Variants in NET1 observed in about 807,000 individuals in gnomAD.
NET1 encodes the protein neuroepithelial cell-transforming gene 1 protein.
In NET1, 42 loss-of-function variants were observed where a neutral mutation model predicts 61.1. That is an observed-to-expected ratio of 0.69 (90% CI 0.54 to 0.89). NET1 has a LOEUF of 0.89. Among genes scored for constraint, NET1 ranks in the 40% least tolerant of loss-of-function variants. NET1 has a pLI of 0.00. For missense variants in NET1, 654 were observed against 747.3 expected, an observed-to-expected ratio of 0.88 and a Z score of 1.46; for synonymous variants, 254 against 281.8, an observed-to-expected ratio of 0.90 and a Z score of 0.99.
Position 5,447,299 on chromosome 10 carries a change from G to T in NET1, c.256-4531G>T, listed in dbSNP as rs928340181. Among the ~76,000 whole-genome samples the T allele has an allele frequency of 1.3e-5, 2 of 152,160 alleles. No individual in the cohort carries two copies. Among genetic ancestry groups the T allele is most frequent in the Non-Finnish European group, 2.9e-5 (2 of 68,030 alleles). Reference sequence around the variant, plus strand: ...CCTGGTGTGCATTTTTCTTCCATCTGATGAGTTCATTGTATGCCACTTTTT... The same window carrying T: ...CCTGGTGTGCATTTTTCTTCCATCTTATGAGTTCATTGTATGCCACTTTTT... On this transcript the variant is annotated intron_variant, in intron 3 of 11. Coordinates refer to ENST00000355029, the MANE Select transcript of NET1 (RefSeq NM_001047160.3). The surrounding 1 kb of genome is among the most constrained non-coding windows in gnomAD (Gnocchi z 4.1).
rs1176898033 is a variant in NET1 at position 5,415,228 on chromosome 10, G to T, written c.128+2408G>T. ...ATAAACTAATTTGAAAGACAAATAC[G>T]TACAGTACAATTTACCCACTTAAAT... On this transcript the variant is annotated intron_variant, in intron 1 of 11. Transcript: ENST00000355029. This position sits in a 1 kb window ranked among gnomAD's most constrained non-coding sequence, Gnocchi z 4.7. 6.6e-6 allele frequency among the ~76,000 whole-genome samples: 1 copy of T among 152,100 alleles called. No individual in the cohort carries two copies. The highest frequency in any genetic ancestry group is 1.5e-5 in the Non-Finnish European group (1 of 68,018).
intron 1 of NET1, among the ~76,000 whole-genome samples, chr10:5,425,079 G>A (rs1430459359): frequency 1.3e-5 from 2 of 152,154 alleles, no homozygotes; most frequent in Non-Finnish European, 2.9e-5. Flanking sequence ...TCAAATGTGA[G>A]GAACTACTTG....
In NET1 at chr10:5,437,853, G is replaced by C. The variant is rs908699278; in HGVS notation, c.255+8624G>C. ...CATTCCAGGATAGACGGTATGTCAG[G>C]CTGCAAAACAAGTCTTAATACATTT... On this transcript the variant is annotated intron_variant, in intron 3 of 11. Transcript: ENST00000355029. This position sits in a 1 kb window ranked among gnomAD's most constrained non-coding sequence, Gnocchi z 4.3. Among the ~76,000 whole-genome samples the C allele has an allele frequency of 5.3e-5, 8 of 152,082 alleles. No individual in the cohort carries two copies. Among genetic ancestry groups the C allele is most frequent in the Non-Finnish European group, 1.2e-4 (8 of 68,010 alleles).
Position 5,435,518 on chromosome 10 carries a change from TAGATAGATAGATAGAC to T in NET1, c.255+6293_255+6308del, listed in dbSNP as rs1392258262. ...ATAGATAGATAGATAGATAGATAGA[TAGATAGATAGATAGAC>T]AGACAGACAGATAGATAGATAGATA... On this transcript the variant is annotated intron_variant, in intron 3 of 11. Coordinates refer to ENST00000355029, the MANE Select transcript of NET1 (RefSeq NM_001047160.3). This position sits in a 1 kb window ranked among gnomAD's most constrained non-coding sequence, Gnocchi z 5.0. Among the ~76,000 whole-genome samples, 1,861 of 44,844 alleles carry T rather than the reference TAGATAGATAGATAGAC, an allele frequency of 0.041. 46 individuals are homozygous for T. The highest frequency in any genetic ancestry group is 0.099 in the African/African-American group (1,417 of 14,342). The allele number at this position is 44,844 out of a possible 152,430, so 29.4% of individuals were successfully genotyped here. A position where few individuals can be genotyped will look rare whatever the true frequency, so the allele number is the denominator to read the frequency against.
At position 5,441,536 on chromosome 10, in the gene NET1, G is replaced by A. The variant is rs948815036; in HGVS notation, c.256-10294G>A. On this transcript the variant is annotated intron_variant, in intron 3 of 11. Coordinates refer to ENST00000355029, the MANE Select transcript of NET1 (RefSeq NM_001047160.3). The surrounding 1 kb of genome is among the most constrained non-coding windows in gnomAD (Gnocchi z 4.6). ...TCTTACGTTATACTGGAAGTTATTC[G>A]TTACCTGAGATAAAAAGTCACCACT... Among the ~76,000 whole-genome samples the A allele has an allele frequency of 2.0e-5, 3 of 152,194 alleles. No homozygotes were observed. Among genetic ancestry groups the A allele is most frequent in the African/African-American group, 4.8e-5 (2 of 41,444 alleles).
chr10:5,453,092 A>G lies in NET1; in HGVS notation c.595-158A>G. The G allele has an allele frequency of 1.4e-6, 1 of 713,310 alleles. No homozygotes were observed. The highest frequency in any genetic ancestry group is 2.5e-6 in the Non-Finnish European group (1 of 406,320). The allele number at this position is 713,310 out of a possible 1,614,324, so 44.2% of individuals were successfully genotyped here. On this transcript the variant is annotated intron_variant, in intron 6 of 11. Transcript: ENST00000355029. This position sits in a 1 kb window ranked among gnomAD's most constrained non-coding sequence, Gnocchi z 4.9. ...ATCCTCAAATACAAGTATTAGTAAGAGAGTTTATTTGGGGATTAATACATA... is the reference window on the plus strand; with the variant it reads ...ATCCTCAAATACAAGTATTAGTAAGGGAGTTTATTTGGGGATTAATACATA...
At position 5,428,038 on chromosome 10, in the gene NET1, C is replaced by CCTTTTTTTTTTTTTTTTTTTTTTTTT. The variant is rs767299959; in HGVS notation, c.196-1132_196-1131insCTTTTTTTTTTTTTTTTTTTTTTTTT. On this transcript the variant is annotated intron_variant, in intron 2 of 11. Coordinates refer to ENST00000355029, the MANE Select transcript of NET1 (RefSeq NM_001047160.3). The stretch of plus-strand genomic sequence containing the variant: ...CACTTCTATCTGGACTTTGCCGTTC[C>CCTTTTTTTTTTTTTTTTTTTTTTTTT]TTTTTTTTTTTTTTTTTTTTTTTTT... Among the ~76,000 whole-genome samples, 12 of 113,904 alleles carry CCTTTTTTTTTTTTTTTTTTTTTTTTT rather than the reference C, an allele frequency of 1.1e-4. 5 individuals are homozygous for CCTTTTTTTTTTTTTTTTTTTTTTTTT. The highest frequency in any genetic ancestry group is 1.8e-4 in the Admixed American group (2 of 10,864). 74.7% of individuals were successfully genotyped at this position (113,904 alleles called of 152,430 possible).
In NET1 at chr10:5,421,267, G is replaced by A. The variant is rs970583769; in HGVS notation, c.129-5388G>A. 1.2e-4 allele frequency among the ~76,000 whole-genome samples: 19 copies of A among 152,050 alleles called. No homozygotes were observed. Among genetic ancestry groups the A allele is most frequent in the African/African-American group, 4.6e-4 (19 of 41,390 alleles). On this transcript the variant is annotated intron_variant, in intron 1 of 11. Coordinates refer to ENST00000355029, the MANE Select transcript of NET1 (RefSeq NM_001047160.3). This position sits in a 1 kb window ranked among gnomAD's most constrained non-coding sequence, Gnocchi z 4.2. The stretch of plus-strand genomic sequence containing the variant: ...TTAAATAATTTTATTTCTGTCTTTC[G>A]GGGCCTTAGGGAAAGCCATAGAACT...
chr10:5,432,293 A>T (rs774248220), intron 3 of NET1, among the ~76,000 whole-genome samples: 54 of 152,050 alleles, frequency 3.6e-4, no homozygotes, highest in Non-Finnish European at 7.2e-4. Flanking sequence ...GATTTAACTT[A>T]ATCTTATCAG....
At position 5,431,073 on chromosome 10, in the gene NET1, G is replaced by A. The variant is rs1057138682; in HGVS notation, c.255+1844G>A. 9.9e-5 allele frequency among the ~76,000 whole-genome samples: 15 copies of A among 151,222 alleles called. No individual in the cohort carries two copies. The highest frequency in any genetic ancestry group is 2.2e-4 in the African/African-American group (9 of 41,038). ...TTTTCAGTAGAGACGGGGTTTCACCGTGTTAGCCAGGATGGTCTCGATCTC... is the reference window on the plus strand; with the variant it reads ...TTTTCAGTAGAGACGGGGTTTCACCATGTTAGCCAGGATGGTCTCGATCTC... On this transcript the variant is annotated intron_variant, in intron 3 of 11. Coordinates refer to ENST00000355029, the MANE Select transcript of NET1 (RefSeq NM_001047160.3). This position sits in a 1 kb window ranked among gnomAD's most constrained non-coding sequence, Gnocchi z 4.9.
Position 5,454,430 on chromosome 10 carries a change from C to T in NET1, c.934C>T (p.Arg312Ter), listed in dbSNP as rs1263085638. 4 of 1,614,170 alleles carry T rather than the reference C, an allele frequency of 2.5e-6. No homozygotes were observed. The highest frequency in any genetic ancestry group is 2.5e-6 in the Non-Finnish European group (3 of 1,180,024). The change falls in exon 9 of 12, where the codon CGA becomes TGA. Residue 312 changes from arginine to a stop codon, truncating the protein, a stop_gained. Transcript: ENST00000355029. LOFTEE classifies it high-confidence loss of function. The surrounding 1 kb of genome is among the most constrained non-coding windows in gnomAD (Gnocchi z 8.1). ...TCTTTGGAGTTTCCTAGATATCCCT[C>T]GAAGTCGCCTAGTCAAATACCCTTT... ...LDLWSFLDIPRSRLVKYPLLL... is the reference protein window; with the variant it reads ...LDLWSFLDIP
In NET1 at chr10:5,426,529, T is replaced by C. The variant is rs1832260387; in HGVS notation, c.129-126T>C. 1.6e-6 allele frequency: 1 copy of C among 632,148 alleles called. No individual in the cohort carries two copies. The highest frequency in any genetic ancestry group is 2.7e-6 in the Non-Finnish European group (1 of 365,346). The allele number at this position is 632,148 out of a possible 1,614,324, so 39.2% of individuals were successfully genotyped here. On this transcript the variant is annotated intron_variant, in intron 1 of 11. Coordinates refer to ENST00000355029, the MANE Select transcript of NET1 (RefSeq NM_001047160.3). This position sits in a 1 kb window ranked among gnomAD's most constrained non-coding sequence, Gnocchi z 4.6. ...TAGACCATCTCTCATATTACTAAGA[T>C]TGAATGACAAATCAGGCCACTTTAA...
chr10:5,451,503 C>CG lies in NET1; in HGVS notation c.256-327_256-326insG, dbSNP rs1832702214. Among the ~76,000 whole-genome samples the CG allele has an allele frequency of 7.6e-6, 1 of 131,364 alleles. No homozygotes were observed. Among genetic ancestry groups the CG allele is most frequent in the Admixed American group, 7.8e-5 (1 of 12,850 alleles). 86.2% of individuals were successfully genotyped at this position (131,364 alleles called of 152,430 possible). On this transcript the variant is annotated intron_variant, in intron 3 of 11. Coordinates refer to ENST00000355029, the MANE Select transcript of NET1 (RefSeq NM_001047160.3). This position sits in a 1 kb window ranked among gnomAD's most constrained non-coding sequence, Gnocchi z 6.1. ...TTCGAAAATTTTCATAACAATAAGGCTTTTTTTTAAAAAAAAAAAAAGTTA... is the reference window on the plus strand; with the variant it reads ...TTCGAAAATTTTCATAACAATAAGGCGTTTTTTTTAAAAAAAAAAAAAGTTA...
rs573430471 is a variant in NET1 at position 5,446,626 on chromosome 10, C to T, written c.256-5204C>T. On this transcript the variant is annotated intron_variant, in intron 3 of 11. Coordinates refer to ENST00000355029, the MANE Select transcript of NET1 (RefSeq NM_001047160.3). The surrounding 1 kb of genome is among the most constrained non-coding windows in gnomAD (Gnocchi z 5.0). ...CGGCTCTCAGAAGCCTCTGCTCCACCGCGGCGAGAGGCATGGGCACGTGGC... is the reference window on the plus strand; with the variant it reads ...CGGCTCTCAGAAGCCTCTGCTCCACTGCGGCGAGAGGCATGGGCACGTGGC... 45 of 1,269,012 alleles carry T rather than the reference C, an allele frequency of 3.5e-5. No individual in the cohort carries two copies. In the African/African-American group the frequency reaches 5.3e-4, roughly 15 times the overall value. The allele number at this position is 1,269,012 out of a possible 1,614,324, so 78.6% of individuals were successfully genotyped here. A position where few individuals can be genotyped will look rare whatever the true frequency, so the allele number is the denominator to read the frequency against.
rs749526049 is a variant in NET1 at position 5,441,253 on chromosome 10, CAT to C, written c.256-10576_256-10575del. ...TCCATCCCACACACCCGTGGCTACA[CAT>C]GTGCATGTGCCACACAGCAGCATCC... On this transcript the variant is annotated intron_variant, in intron 3 of 11. Transcript: ENST00000355029. The surrounding 1 kb of genome is among the most constrained non-coding windows in gnomAD (Gnocchi z 4.6). 2.0e-5 allele frequency among the ~76,000 whole-genome samples: 3 copies of C among 152,258 alleles called. No homozygotes were observed. The highest frequency in any genetic ancestry group is 4.4e-5 in the Non-Finnish European group (3 of 68,046).
chr10:5,421,464 G>A lies in NET1; in HGVS notation c.129-5191G>A, dbSNP rs1390181138. On this transcript the variant is annotated intron_variant, in intron 1 of 11. Coordinates refer to ENST00000355029, the MANE Select transcript of NET1 (RefSeq NM_001047160.3). This position sits in a 1 kb window ranked among gnomAD's most constrained non-coding sequence, Gnocchi z 4.2. ...TTACTCTTTGAATTTTGTTTTTCCA[G>A]TAAAATTAATTGATGGATTTGTACA... Among the ~76,000 whole-genome samples the A allele has an allele frequency of 6.6e-6, 1 of 152,106 alleles. No homozygotes were observed. Among genetic ancestry groups the A allele is most frequent in the South Asian group, 2.1e-4 (1 of 4,824 alleles).
In NET1 at chr10:5,456,153, C is replaced by A; in HGVS notation, c.1264C>A (p.His422Asn). Residue 422 changes from histidine (H) to asparagine (N), a missense_variant, in exon 11 of 12, where the codon CAC becomes AAC. His to Asn is a moderately conservative substitution (Grantham distance 68, BLOSUM62 1). Transcript: ENST00000355029. This position sits in a 1 kb window ranked among gnomAD's most constrained non-coding sequence, Gnocchi z 7.0. ...LTRPVTRNERHSYQVYRQPIP... is the reference protein window; with the variant it reads ...LTRPVTRNERNSYQVYRQPIP... ...TCGGCCCGTCACACGGAACGAACGG[C>A]ACTCTTACCAGGTTTACCGGCAGCC... 6.2e-7 allele frequency: 1 copy of A among 1,614,168 alleles called. No individual in the cohort carries two copies. The highest frequency in any genetic ancestry group is 8.5e-7 in the Non-Finnish European group (1 of 1,180,026).
Position 5,449,662 on chromosome 10 carries a change from C to T in NET1, c.256-2168C>T, listed in dbSNP as rs1832673556. ...TAAAATATCACATAATTTTGAGTTA[C>T]CAGGAAGTTAGTAGTTGTACAGTAA... is the stretch of plus-strand genomic sequence containing the variant. On this transcript the variant is annotated intron_variant, in intron 3 of 11. Coordinates refer to ENST00000355029, the MANE Select transcript of NET1 (RefSeq NM_001047160.3). This position sits in a 1 kb window ranked among gnomAD's most constrained non-coding sequence, Gnocchi z 4.4. Among the ~76,000 whole-genome samples, 1 of 152,050 alleles carries T rather than the reference C, an allele frequency of 6.6e-6. No individual in the cohort carries two copies. The highest frequency in any genetic ancestry group is 1.5e-5 in the Non-Finnish European group (1 of 68,008).
rs1355159256 is a variant in NET1, at chr10:5,449,057, C to T, written c.256-2773C>T. 1.3e-5 allele frequency among the ~76,000 whole-genome samples: 2 copies of T among 152,152 alleles called. No individual in the cohort carries two copies. Among genetic ancestry groups the T allele is most frequent in the Non-Finnish European group, 2.9e-5 (2 of 68,020 alleles). On this transcript the variant is annotated intron_variant, in intron 3 of 11. Coordinates refer to ENST00000355029, the MANE Select transcript of NET1 (RefSeq NM_001047160.3). The surrounding 1 kb of genome is among the most constrained non-coding windows in gnomAD (Gnocchi z 4.4). Reference sequence around the variant, plus strand: ...TTCCGAAAGACACAAATTTTTGTCCCAATCTTTTAGGTGGCCTGTGAATGC... The same window carrying T: ...TTCCGAAAGACACAAATTTTTGTCCTAATCTTTTAGGTGGCCTGTGAATGC...
Sources: gnomAD v4.1 joint callset for allele counts (sites outside exome capture counted in the v4.1 genomes callset) on GRCh38, gnomAD v4.1.1 for gene constraint, Gnocchi (gnomAD v3.1) non-coding constraint, MANE v1.5 for transcripts, NCBI Gene and HGNC (gene_info 2026-07-23, HGNC 2026-07-21) for gene names.